The following SNAPC2 variants were observed in gnomAD, a reference collection of about 807,000 sequenced individuals.
SNAPC2 encodes small nuclear RNA activating complex polypeptide 2.
Under a neutral mutation model 22.9 loss-of-function variants are expected in SNAPC2, and 27 were observed. The observed-to-expected ratio is 1.18, with a 90% CI of 0.87 to 1.63. The LOEUF is 1.63. Ranked by LOEUF, SNAPC2 falls within the 40% of genes most tolerant of loss-of-function variation. The pLI, the probability that SNAPC2 is intolerant of heterozygous loss-of-function variation, is 0.00. For synonymous variants in SNAPC2, 272 were observed against 201.0 expected (o/e 1.35, Z -2.99); for missense variants, 570 against 449.1 (o/e 1.27, Z -2.43).
rs1255161656 is a variant in SNAPC2, at chr19:7,922,245, G to C, written c.583G>C (p.Gly195Arg). The C allele has an allele frequency of 6.2e-7, 1 of 1,613,926 alleles. No individual in the cohort carries two copies. Among genetic ancestry groups the C allele is most frequent in the African/African-American group, 1.3e-5 (1 of 74,900 alleles). The change falls in exon 4 of 5, where the codon GGT (glycine) becomes CGT (arginine). Residue 195 changes from glycine (G) to arginine (R), a missense_variant. By Grantham distance (125) the Gly-to-Arg change is moderately radical (BLOSUM62 -2). Coordinates refer to ENST00000221573, the MANE Select transcript of SNAPC2 (RefSeq NM_003083.4). ...APEKPSESSA[G>R]PSTEEDFAVD... ...TGAGAAACCTTCTGAGTCGTCGGCT[G>C]GTCCCTCCACTGAAGAAGACTTTGC...
chr19:7,922,728 G>A lies in SNAPC2; in HGVS notation c.969G>A (p.Leu323=), dbSNP rs1983629946. 5 of 1,599,826 alleles carry A rather than the reference G, an allele frequency of 3.1e-6. No homozygotes were observed. The highest frequency in any genetic ancestry group is 4.3e-6 in the Non-Finnish European group (5 of 1,169,756). ...CCCTGAACCCGTTCCTGGTGCCCCT[G>A]GAGCTTCTGGGTCGGGCAGCCACCC... The part of the protein sequence containing the change: ...ICPLNPFLVP[L]ELLGRAATPA... The change falls in exon 5 of 5, where the codon CTG becomes CTA. Residue 323 remains leucine, a synonymous_variant. Transcript: ENST00000221573.
chr19:7,922,458 C>T lies in SNAPC2; in HGVS notation c.699C>T (p.Val233=), dbSNP rs756918075. ...ATCCATCACTAGAGTCCGCTGTGGTCCTCGACCTGCTCATGTCACTTCCAG... is the reference window on the plus strand; with the variant it reads ...ATCCATCACTAGAGTCCGCTGTGGTTCTCGACCTGCTCATGTCACTTCCAG... ...PELSAAESAV[V]LDLLMSLPEE... Residue 233 remains valine (V), a synonymous_variant, in exon 5 of 5, where the codon GTC becomes GTT. Transcript: ENST00000221573. 6 of 1,590,370 alleles carry T rather than the reference C, an allele frequency of 3.8e-6. No individual in the cohort carries two copies. Among genetic ancestry groups the T allele is most frequent in the Non-Finnish European group, 5.1e-6 (6 of 1,165,604 alleles).
At chr19:7,921,910 G>A (rs1983587862) in intron 3 of SNAPC2, 125 bp from the exon 4 acceptor site, 1 of 1,383,486 alleles carries the variant, frequency 7.2e-7, no homozygotes, top group South Asian at 1.3e-5. Context: ...GAGCCTCAGT[G>A]TCCCTGGCTC....
Position 7,922,904 on chromosome 19 carries a change from G to C in SNAPC2, c.*140G>C. 2 of 681,796 alleles carry C rather than the reference G, an allele frequency of 2.9e-6. No individual in the cohort carries two copies. The highest frequency in any genetic ancestry group is 4.8e-6 in the Non-Finnish European group (2 of 415,594). The allele number at this position is 681,796 out of a possible 1,614,324, so 42.2% of individuals were successfully genotyped here. On this transcript the variant is annotated 3_prime_UTR_variant, in exon 5 of 5. Coordinates refer to ENST00000221573, the MANE Select transcript of SNAPC2 (RefSeq NM_003083.4). ...GCTCAGCTGTGGGGCGGGCCTCTAA[G>C]ATGCCCCATACTTTGGGGGTCTCAG...
At chr19:7,921,647 T>C in intron 2 of SNAPC2, 58 bp from the exon 3 acceptor site, 1 of 1,608,174 alleles carries the variant, frequency 6.2e-7, no homozygotes, top group South Asian at 1.1e-5. Context: ...GGAGCAGGGC[T>C]TGGGGGGCCA....
At chr19:7,921,892 G>T in intron 3 of SNAPC2, 119 bp downstream of exon 3, 1 of 1,365,938 alleles carries the variant, frequency 7.3e-7, no homozygotes. Context: ...TCAGTCACTG[G>T]ACACCTCGAG....
Position 7,921,405 on chromosome 19 carries a change from C to T in SNAPC2, c.184-18C>T, listed in dbSNP as rs1431289306. 7.4e-6 allele frequency: 12 copies of T among 1,613,756 alleles called. No individual in the cohort carries two copies. The highest frequency in any genetic ancestry group is 6.7e-5 in the Admixed American group (4 of 60,000). On this transcript the variant is annotated intron_variant, in intron 1 of 4. Transcript: ENST00000221573. ...TGAGCTCATAGAAGCCTCATTCCGC[C>T]GCCTCTTTCCTTTCTAGATCCGGGT...
intron 3 of SNAPC2, 109 bp from the exon 4 acceptor site, chr19:7,921,926 C>G: frequency 7.1e-7 from 1 of 1,406,158 alleles, no homozygotes; most frequent in Non-Finnish European, 9.8e-7. Context: ...GGCTCTGAGG[C>G]CATCTCTTGT....
chr19:7,922,392 C>A, intron 4 of SNAPC2, 45 bp downstream of exon 4: 1 of 1,593,320 alleles, frequency 6.3e-7, no homozygotes, highest in South Asian at 1.1e-5. Context: ...GATCAAGGGT[C>A]CCTGGCAGCA....
chr19:7,922,637 C>A lies in SNAPC2; in HGVS notation c.878C>A (p.Pro293His). The change falls in exon 5 of 5, where the codon CCC becomes CAC. Residue 293 changes from proline (P) to histidine (H), a missense_variant. Transcript: ENST00000221573. ...GGCTCCAAGGCACCAGAGGAGACCC[C>A]CCCAGCCACCGAGAAGGCCGAGCAC... ...GAGSKAPEET[P>H]PATEKAEHSE... The A allele has an allele frequency of 6.2e-7, 1 of 1,613,548 alleles. No homozygotes were observed. The highest frequency in any genetic ancestry group is 1.1e-5 in the South Asian group (1 of 91,072).
Position 7,920,418 on chromosome 19 carries a change from G to T in SNAPC2, c.52G>T (p.Val18Leu), listed in dbSNP as rs779164005. ...GGCCCCGGCGCGCTATCTGGGCGAG[G>T]TGACCGGTCCCGCGACCTGGAGCGC... ...RAAPARYLGEVTGPATWSARE... is the reference protein window; with the variant it reads ...RAAPARYLGELTGPATWSARE... Residue 18 changes from valine (V) to leucine (L), a missense_variant, in exon 1 of 5, where the codon GTG becomes TTG. Physicochemically the swap from Val to Leu is conservative, Grantham distance 32. Coordinates refer to ENST00000221573, the MANE Select transcript of SNAPC2 (RefSeq NM_003083.4). 1.3e-6 allele frequency: 2 copies of T among 1,581,338 alleles called. No homozygotes were observed. Among genetic ancestry groups the T allele is most frequent in the Admixed American group, 1.7e-5 (1 of 58,528 alleles).
chr19:7,920,678 G>C (rs1475232203), intron 1 of SNAPC2, 129 bp downstream of exon 1: 1 of 597,074 alleles, frequency 1.7e-6, no homozygotes, highest in Non-Finnish European at 2.7e-6. Context: ...GCGTGGCGTG[G>C]GGCTGAGTGG....
Position 7,920,559 on chromosome 19 carries a change from G to A in SNAPC2, c.183+10G>A. On this transcript the variant is annotated intron_variant, in intron 1 of 4. Transcript: ENST00000221573. ...CCGGAGCGAGGCTGAGGTGAGATGC[G>A]GTTCTCGGGACCGGAGCCAGGCTGG... 6.0e-6 allele frequency: 8 copies of A among 1,338,896 alleles called. No individual in the cohort carries two copies. Among genetic ancestry groups the A allele is most frequent in the South Asian group, 1.6e-5 (1 of 62,896 alleles). 82.9% of individuals were successfully genotyped at this position (1,338,896 alleles called of 1,614,324 possible).
Position 7,921,727 on chromosome 19 carries a change from A to C in SNAPC2, c.326A>C (p.Lys109Thr), listed in dbSNP as rs143542798. The change falls in exon 3 of 5, where the codon AAG (lysine) becomes ACG (threonine). Residue 109 changes from lysine to threonine, a missense_variant. Physicochemically the swap from Lys to Thr is moderately conservative, Grantham distance 78. Coordinates refer to ENST00000221573, the MANE Select transcript of SNAPC2 (RefSeq NM_003083.4). ...PIEVWTDLAE[K>T]ITGPLEEALA... ...CAGGTCTGGACGGATCTGGCTGAGA[A>C]GATAACAGGGCCACTGGAAGAAGCC... 4 of 1,613,650 alleles carry C rather than the reference A, an allele frequency of 2.5e-6. No individual in the cohort carries two copies. In the African/African-American group the frequency reaches 5.3e-5, roughly 22 times the overall value.
At position 7,920,445 on chromosome 19, in the gene SNAPC2, C is replaced by T; in HGVS notation, c.79C>T (p.Arg27Cys). Residue 27 changes from arginine (R) to cysteine (C), a missense_variant, in exon 1 of 5, where the codon CGC becomes TGC. Physicochemically the swap from Arg to Cys is radical, Grantham distance 180 (BLOSUM62 -3). Transcript: ENST00000221573. The part of the protein sequence containing the change: ...EVTGPATWSA[R>C]EKRQLVRLLQ... ...GACCGGTCCCGCGACCTGGAGCGCT[C>T]GCGAGAAGCGGCAGCTAGTGCGACT... 2 of 1,560,994 alleles carry T rather than the reference C, an allele frequency of 1.3e-6. No homozygotes were observed. The highest frequency in any genetic ancestry group is 1.7e-6 in the Non-Finnish European group (2 of 1,162,338).
Position 7,922,140 on chromosome 19 carries a change from CAGGA to C in SNAPC2, c.481_484del (p.Glu161ThrfsTer95). 1 of 1,614,050 alleles carries C rather than the reference CAGGA, an allele frequency of 6.2e-7. No individual in the cohort carries two copies. Among genetic ancestry groups the C allele is most frequent in the Non-Finnish European group, 8.5e-7 (1 of 1,180,002 alleles). ...TTTGCTCCTGAGCGCCCCTGGAGGA[CAGGA>C]AGACCCCGCCCCTGAAATACCTAGC... On this transcript the variant is annotated frameshift_variant, in exon 4 of 5. Transcript: ENST00000221573. LOFTEE classifies it high-confidence loss of function.
Position 7,922,119 on chromosome 19 carries a change from C to G in SNAPC2, c.457C>G (p.Leu153Val). ...CACGCAGGCCCGTGGAAAGCCTTTGCTCCTGAGCGCCCCTGGAGGACAGGA... is the reference window on the plus strand; with the variant it reads ...CACGCAGGCCCGTGGAAAGCCTTTGGTCCTGAGCGCCCCTGGAGGACAGGA... ...KPTQARGKPLLLSAPGGQEDP... is the reference protein window; with the variant it reads ...KPTQARGKPLVLSAPGGQEDP... Residue 153 changes from leucine to valine, a missense_variant, in exon 4 of 5, where the codon CTC (leucine) becomes GTC (valine). Leu to Val is a conservative substitution (Grantham distance 32, BLOSUM62 1). Coordinates refer to ENST00000221573, the MANE Select transcript of SNAPC2 (RefSeq NM_003083.4). 1 of 1,614,048 alleles carries G rather than the reference C, an allele frequency of 6.2e-7. No individual in the cohort carries two copies. The highest frequency in any genetic ancestry group is 8.5e-7 in the Non-Finnish European group (1 of 1,179,974).
Position 7,923,126 on chromosome 19 carries a change from C to T in SNAPC2, c.*362C>T. 2 of 232,872 alleles carry T rather than the reference C, an allele frequency of 8.6e-6. No homozygotes were observed. Among genetic ancestry groups the T allele is most frequent in the Non-Finnish European group, 1.7e-5 (2 of 120,474 alleles). 14.4% of individuals were successfully genotyped at this position (232,872 alleles called of 1,614,324 possible). ...CGCACATTTTCCCCCTTCCTGTACACCTCGGGGCCAGCATCCTCACCTTCT... is the reference window on the plus strand; with the variant it reads ...CGCACATTTTCCCCCTTCCTGTACATCTCGGGGCCAGCATCCTCACCTTCT... On this transcript the variant is annotated 3_prime_UTR_variant, in exon 5 of 5. Coordinates refer to ENST00000221573, the MANE Select transcript of SNAPC2 (RefSeq NM_003083.4).
Position 7,922,653 on chromosome 19 carries a change from G to A in SNAPC2, c.894G>A (p.Lys298=), listed in dbSNP as rs781390535. 5.0e-6 allele frequency: 8 copies of A among 1,613,590 alleles called. No individual in the cohort carries two copies. The Admixed American group carries it at 6.7e-5, about 13-fold the overall frequency. The change falls in exon 5 of 5, where the codon AAG becomes AAA. Residue 298 remains lysine, a synonymous_variant. Coordinates refer to ENST00000221573, the MANE Select transcript of SNAPC2 (RefSeq NM_003083.4). ...AGGAGACCCCCCCAGCCACCGAGAAGGCCGAGCACAGCGAACTGAAATCGC... is the reference window on the plus strand; with the variant it reads ...AGGAGACCCCCCCAGCCACCGAGAAAGCCGAGCACAGCGAACTGAAATCGC... ...APEETPPATE[K]AEHSELKSPW...
Sources: gnomAD v4.1 joint callset for allele counts on GRCh38, gnomAD v4.1.1 for gene constraint, MANE v1.5 for transcripts, NCBI Gene and HGNC (gene_info 2026-07-23, HGNC 2026-07-21) for gene names.